Variants in ITPR1 observed in about 807,000 individuals in gnomAD.
ITPR1 encodes inositol 1,4,5-trisphosphate receptor type 1.
In ITPR1, 96 loss-of-function variants were observed where a neutral mutation model predicts 318.4. The ratio of observed to expected loss-of-function variants is 0.30; its 90% CI spans 0.26 to 0.36. The LOEUF (loss-of-function observed/expected upper bound fraction) is 0.36. Ranked by LOEUF, ITPR1 falls within the 10% of genes least tolerant of loss-of-function variation. The probability of loss-of-function intolerance (pLI) is 1.00; values close to 1 mark genes in which losing one functional copy is unlikely to be tolerated. For missense variants in ITPR1, 2,440 were observed against 3,460.2 expected, an observed-to-expected ratio of 0.71 and a Z score of 7.40; for synonymous variants, 1,312 against 1,289.9, an observed-to-expected ratio of 1.02 and a Z score of -0.37.
At chr3:4,777,090 A>G (rs977679861) in intron 47 of ITPR1, among the ~76,000 whole-genome samples, 174 bp from the exon 48 acceptor site, 12 of 152,186 alleles carry the variant, frequency 7.9e-5, no homozygotes, top group African/African-American at 2.9e-4. Flanking sequence ...GAAACTAGAG[A>G]TTTTCATCTG....
At chr3:4,658,416 G>GC in intron 13 of ITPR1, 138 bp downstream of exon 13, 1 of 657,772 alleles carries the variant, frequency 1.5e-6, no homozygotes, top group Non-Finnish European at 2.5e-6. Flanking sequence ...TGCACTGACT[G>GC]CCCGGTATGG....
chr3:4,675,228 A>G lies in ITPR1; in HGVS notation c.2759A>G (p.Asn920Ser), dbSNP rs1409314400. 2 of 1,611,058 alleles carry G rather than the reference A, an allele frequency of 1.2e-6. No homozygotes were observed. The highest frequency in any genetic ancestry group is 2.2e-5 in the South Asian group (2 of 90,074). Residue 920 changes from asparagine to serine, a missense_variant, in exon 23 of 62, where the codon AAT (asparagine) becomes AGT (serine). Asn to Ser is a conservative substitution (Grantham distance 46). Transcript: ENST00000649015. Reference protein sequence around the residue: ...MAKGEENKGNNDVEKLKSSNV... With the variant: ...MAKGEENKGNSDVEKLKSSNV... ...AAAGGAGAAGAGAATAAAGGTAACA[A>G]TGATGTGGAGAAGCTGAAGAGTGAG...
intron 4 of ITPR1, among the ~76,000 whole-genome samples, chr3:4,548,379 G>T (rs1031020708): frequency 1.3e-5 from 2 of 152,178 alleles, no homozygotes; most frequent in Non-Finnish European, 2.9e-5. Flanking sequence ...GGGTGTGCGT[G>T]TGTGTGAAAC....
chr3:4,660,203 T>G (rs1325730247), intron 13 of ITPR1, among the ~76,000 whole-genome samples: 3 of 152,250 alleles, frequency 2.0e-5, no homozygotes, highest in Non-Finnish European at 4.4e-5. Flanking sequence ...TTTTAACTTG[T>G]GTAACTTTTA....
At chr3:4,574,659 A>T (rs962913154) in intron 4 of ITPR1, among the ~76,000 whole-genome samples, 1 of 152,210 alleles carries the variant, frequency 6.6e-6, no homozygotes, top group Non-Finnish European at 1.5e-5. Flanking sequence ...CAGTCAGTTA[A>T]TTCTAAAGGA....
intron 44 of ITPR1, among the ~76,000 whole-genome samples, chr3:4,754,260 T>C (rs2044783557): frequency 6.6e-6 from 1 of 152,128 alleles, no homozygotes; most frequent in Non-Finnish European, 1.5e-5. Context: ...CTCTCCACGA[T>C]GCAGATTGCC....
chr3:4,572,967 A>C (rs1007804843), intron 4 of ITPR1, among the ~76,000 whole-genome samples: 5 of 152,162 alleles, frequency 3.3e-5, no homozygotes, highest in Non-Finnish European at 7.3e-5. Context: ...TGTGTACACC[A>C]TGTTTGGTTT....
At chr3:4,592,974 C>T (rs1575639698) in intron 4 of ITPR1, among the ~76,000 whole-genome samples, 1 of 152,144 alleles carries the variant, frequency 6.6e-6, no homozygotes, top group African/African-American at 2.4e-5. Context: ...CACACCAAGA[C>T]CAACTGGCTT....
intron 44 of ITPR1, chr3:4,749,725 C>G (rs2044362281): frequency 6.6e-6 from 1 of 152,504 alleles, no homozygotes; most frequent in Non-Finnish European, 1.5e-5. Context: ...GGGAAAAGTT[C>G]CCATGGTAAC....
intron 11 of ITPR1, among the ~76,000 whole-genome samples, chr3:4,653,031 A>C (rs954890965): frequency 2.0e-5 from 3 of 152,210 alleles, no homozygotes; most frequent in African/African-American, 4.8e-5. Context: ...CGAAAGACTC[A>C]ATGCTGAAGG....
intron 19 of ITPR1, 113 bp downstream of exon 19, chr3:4,669,886 G>T: frequency 3.7e-6 from 4 of 1,083,608 alleles, no homozygotes; most frequent in Non-Finnish European, 3.7e-6. Flanking sequence ...AGTCAGTGTG[G>T]CTGGCATTTG....
At chr3:4,506,752 GT>G (rs1347115198) in intron 2 of ITPR1, among the ~76,000 whole-genome samples, 1 of 152,174 alleles carries the variant, frequency 6.6e-6, no homozygotes, top group Admixed American at 6.5e-5. Flanking sequence ...TGGCTGTTCA[GT>G]TTTATATTTT....
intron 12 of ITPR1, 66 bp downstream of exon 12, chr3:4,653,952 A>G (rs2093650844): frequency 8.6e-7 from 1 of 1,169,412 alleles, no homozygotes; most frequent in South Asian, 1.3e-5. Flanking sequence ...CTGGAGCTCC[A>G]TTTAAGAAAC....
chr3:4,789,713 G>A (rs1301694676), intron 52 of ITPR1, among the ~76,000 whole-genome samples: 5 of 152,184 alleles, frequency 3.3e-5, no homozygotes, highest in African/African-American at 7.2e-5. Flanking sequence ...TCCACCTCCC[G>A]GGTTCAAGCG....
intron 18 of ITPR1, among the ~76,000 whole-genome samples, chr3:4,667,999 C>T (rs907736442): frequency 6.6e-6 from 1 of 152,030 alleles, no homozygotes; most frequent in Non-Finnish European, 1.5e-5. Context: ...TGTAGGCATG[C>T]AATGTGTAAT....
chr3:4,514,372 T>A (rs1009180589), intron 2 of ITPR1, among the ~76,000 whole-genome samples: 1 of 152,226 alleles, frequency 6.6e-6, no homozygotes, highest in African/African-American at 2.4e-5. Context: ...AGGAATGCAA[T>A]GTCCAGACAT....
At chr3:4,729,594 A>C (rs890726456) in intron 42 of ITPR1, among the ~76,000 whole-genome samples, 2 of 152,178 alleles carry the variant, frequency 1.3e-5, no homozygotes, top group Admixed American at 6.5e-5. Flanking sequence ...CTTGTTCAAC[A>C]CTGGCTCTCT....
intron 44 of ITPR1, among the ~76,000 whole-genome samples, chr3:4,740,126 G>C (rs1161288373): frequency 6.6e-6 from 1 of 152,180 alleles, no homozygotes; most frequent in Non-Finnish European, 1.5e-5. Context: ...ATTGTGAGGA[G>C]GGTACATGTA....
intron 5 of ITPR1, among the ~76,000 whole-genome samples, chr3:4,629,858 C>T (rs1028123906): frequency 1.3e-5 from 2 of 152,064 alleles, no homozygotes; most frequent in African/African-American, 4.8e-5. Context: ...GTCGGAGGCA[C>T]CCATGGGATT....
Sources: gnomAD v4.1 joint callset for allele counts (sites outside exome capture counted in the v4.1 genomes callset) on GRCh38, gnomAD v4.1.1 for gene constraint, MANE v1.5 for transcripts, NCBI Gene and HGNC (gene_info 2026-07-23, HGNC 2026-07-21) for gene names.